Variants in GPC6 observed in about 807,000 individuals in gnomAD.
The protein encoded by GPC6 is glypican-6.
A neutral mutation model predicts 55.2 loss-of-function variants in GPC6; 14 were observed. That is an observed-to-expected ratio of 0.25 (90% CI 0.17 to 0.40). The LOEUF is 0.40. Ranked by LOEUF, GPC6 falls within the 10% of genes least tolerant of loss-of-function variation. GPC6 has a pLI of 1.00. For missense variants in GPC6, 641 were observed against 708.5 expected, an observed-to-expected ratio of 0.90 and a Z score of 1.08; for synonymous variants, 278 against 259.6, an observed-to-expected ratio of 1.07 and a Z score of -0.68.
chr13:94,205,506 GT>G (rs1889874309), intron 4 of GPC6, among the ~76,000 whole-genome samples: 2 of 152,270 alleles, frequency 1.3e-5, no homozygotes, highest in South Asian at 4.1e-4. Context: ...GTTAGAGCAG[GT>G]GAAGGATCCT....
intron 1 of GPC6, among the ~76,000 whole-genome samples, chr13:93,272,700 C>T (rs991792855): frequency 3.9e-5 from 6 of 151,906 alleles, no homozygotes; most frequent in African/African-American, 1.2e-4. Context: ...TGAGTGATTC[C>T]GTAAATGAGG....
At chr13:93,314,028 A>G (rs1879162171) in intron 1 of GPC6, among the ~76,000 whole-genome samples, 3 of 152,122 alleles carry the variant, frequency 2.0e-5, no homozygotes, top group Non-Finnish European at 4.4e-5. Flanking sequence ...TTGTTTTCCA[A>G]TTTTAAGTTT....
chr13:93,439,443 G>A (rs951011420), intron 1 of GPC6, among the ~76,000 whole-genome samples: 2 of 152,042 alleles, frequency 1.3e-5, no homozygotes, highest in African/African-American at 4.8e-5. Context: ...CCCTGTGCAA[G>A]TTCTTTCTCT....
intron 1 of GPC6, among the ~76,000 whole-genome samples, chr13:93,471,974 T>C (rs1017557208): frequency 6.6e-6 from 1 of 152,218 alleles, no homozygotes; most frequent in Admixed American, 6.5e-5. Context: ...GAGAGAAGTA[T>C]TGAAGTCCTA....
At chr13:93,438,096 C>T (rs914964995) in intron 1 of GPC6, among the ~76,000 whole-genome samples, 2 of 152,132 alleles carry the variant, frequency 1.3e-5, no homozygotes, top group Non-Finnish European at 2.9e-5. Flanking sequence ...GGATATTTGA[C>T]ACCTATTCCT....
At position 94,134,180 on chromosome 13, in the gene GPC6, G is replaced by C. The variant is rs192661253; in HGVS notation, c.877+106286G>C. ...TGGTTGAATTCATATTCTCACCTTTGAATGCTGAATTACTAAATTTAGTTA... is the reference window on the plus strand; with the variant it reads ...TGGTTGAATTCATATTCTCACCTTTCAATGCTGAATTACTAAATTTAGTTA... On this transcript the variant is annotated intron_variant, in intron 4 of 8. Transcript: ENST00000377047. Among the ~76,000 whole-genome samples, 380 of 152,244 alleles carry C rather than the reference G, an allele frequency of 2.5e-3. 4 individuals are homozygous for C. Among genetic ancestry groups the C allele is most frequent in the Non-Finnish European group, 2.8e-4 (19 of 68,016 alleles).
chr13:93,587,693 A>C (rs2139501533), intron 2 of GPC6, among the ~76,000 whole-genome samples: 1 of 152,184 alleles, frequency 6.6e-6, no homozygotes, highest in Middle Eastern at 3.4e-3. Context: ...ACTGTCTTAC[A>C]AGCCTCTTGT....
At chr13:93,696,618 T>TTC (rs1289399646) in intron 2 of GPC6, among the ~76,000 whole-genome samples, 4 of 151,110 alleles carry the variant, frequency 2.6e-5, no homozygotes, top group Non-Finnish European at 5.9e-5. Context: ...CCATAAATTT[T>TTC]TTTTTTTTTT....
chr13:94,165,543 C>T lies in GPC6; in HGVS notation c.878-120806C>T, dbSNP rs61964465. On this transcript the variant is annotated intron_variant, in intron 4 of 8. Coordinates refer to ENST00000377047, the MANE Select transcript of GPC6 (RefSeq NM_005708.5). ...AAAAGACTACAAATTGAGTTCACTA[C>T]ATACCGCTTAGGTGATGGGTGCACC... is the stretch of plus-strand genomic sequence containing the variant. 2.7e-3 allele frequency among the ~76,000 whole-genome samples: 410 copies of T among 152,062 alleles called. 2 individuals are homozygous for T. The highest frequency in any genetic ancestry group is 4.2e-3 in the Non-Finnish European group (284 of 67,986).
intron 2 of GPC6, among the ~76,000 whole-genome samples, chr13:93,789,594 ACTACATATAT>A: frequency 1.0e-5 from 1 of 95,732 alleles, no homozygotes; most frequent in Non-Finnish European, 2.1e-5. Flanking sequence ...TATATATAAT[ACTACATATAT>A]ATATATATAT....
intron 4 of GPC6, among the ~76,000 whole-genome samples, chr13:94,140,101 G>A (rs1207660701): frequency 6.6e-6 from 1 of 150,938 alleles, no homozygotes; most frequent in South Asian, 2.1e-4. Context: ...TTCTTTGAAT[G>A]TTAAGAGTCT....
At chr13:93,413,167 G>A (rs985065473) in intron 1 of GPC6, among the ~76,000 whole-genome samples, 35 of 152,284 alleles carry the variant, frequency 2.3e-4, no homozygotes, top group African/African-American at 8.2e-4. Flanking sequence ...AACCATTAGT[G>A]TTGATTTGTT....
chr13:93,516,030 A>G (rs1203004215), intron 1 of GPC6, among the ~76,000 whole-genome samples: 1 of 152,164 alleles, frequency 6.6e-6, no homozygotes, highest in Non-Finnish European at 1.5e-5. Flanking sequence ...CCATTTAGAG[A>G]TCGACAGCTT....
rs767818163 is a variant in GPC6, at chr13:94,288,948, TA to T, written c.1008+2470del. Among the ~76,000 whole-genome samples the T allele has an allele frequency of 5.2e-3, 90 of 17,256 alleles. 1 individual carries two copies. Among genetic ancestry groups the T allele is most frequent in the Middle Eastern group, 0.071 (2 of 28 alleles). The allele number at this position is 17,256 out of a possible 152,430, so 11.3% of individuals were successfully genotyped here. A position where few individuals can be genotyped will look rare whatever the true frequency, so the allele number is the denominator to read the frequency against. ...TAACAAATATAGATAGATAGATAGATAGATATATAGATAGATAGATAGATAA... is the reference window on the plus strand; with the variant it reads ...TAACAAATATAGATAGATAGATAGATGATATATAGATAGATAGATAGATAA... On this transcript the variant is annotated intron_variant, in intron 5 of 8. Transcript: ENST00000377047.
At chr13:93,481,661 C>T (rs1191147186) in intron 1 of GPC6, among the ~76,000 whole-genome samples, 1 of 151,350 alleles carries the variant, frequency 6.6e-6, no homozygotes, top group Non-Finnish European at 1.5e-5. Context: ...TACGTAGATA[C>T]TCAGTTGTGG....
intron 1 of GPC6, among the ~76,000 whole-genome samples, chr13:93,323,584 A>ACT (rs1299789320): frequency 6.6e-6 from 1 of 152,164 alleles, no homozygotes; most frequent in Admixed American, 6.5e-5. Context: ...CCTCAACAGG[A>ACT]CTATGCCTGT....
At chr13:93,604,279 G>A (rs917832945) in intron 2 of GPC6, among the ~76,000 whole-genome samples, 3 of 152,170 alleles carry the variant, frequency 2.0e-5, no homozygotes, top group Non-Finnish European at 2.9e-5. Context: ...TGTTATATAC[G>A]TGACTGAGCA....
intron 4 of GPC6, among the ~76,000 whole-genome samples, chr13:94,043,301 A>T (rs1232059442): frequency 6.6e-6 from 1 of 151,866 alleles, no homozygotes; most frequent in East Asian, 1.9e-4. Flanking sequence ...ACACTAGGAA[A>T]TATGTGTATG....
At chr13:93,335,303 A>T (rs982182719) in intron 1 of GPC6, among the ~76,000 whole-genome samples, 2 of 152,200 alleles carry the variant, frequency 1.3e-5, no homozygotes, top group African/African-American at 4.8e-5. Context: ...TCTCTAGTTT[A>T]TTATCATAAT....
Sources: allele counts gnomAD v4.1 joint callset (sites outside exome capture counted in the v4.1 genomes callset), GRCh38; gene constraint gnomAD v4.1.1; transcripts MANE v1.5; gene names NCBI Gene and HGNC (gene_info 2026-07-23, HGNC 2026-07-21).